Variants in SGSM3 observed in about 807,000 individuals in gnomAD.
SGSM3 encodes the protein RUN and SH3 containing 3.
SGSM3 carries 96 observed loss-of-function variants against 100.5 expected under a neutral mutation model. The observed-to-expected ratio is 0.96, with a 90% confidence interval of 0.81 to 1.13. The LOEUF is 1.13. Among genes scored for constraint, SGSM3 ranks in the 50% most tolerant of loss-of-function variants. The pLI is 0.00. For synonymous variants in SGSM3, 483 were observed against 422.8 expected, an observed-to-expected ratio of 1.14 and a Z score of -1.75; for missense variants, 1,001 against 1,015.8, an observed-to-expected ratio of 0.99 and a Z score of 0.20.
chr22:40,404,451 C>T lies in SGSM3; in HGVS notation c.362C>T (p.Pro121Leu). The change falls in exon 5 of 22, where the codon CCA becomes CTA. Residue 121 changes from proline (P) to leucine (L), a missense_variant. By Grantham distance (98) the Pro-to-Leu change is moderately conservative (BLOSUM62 -3). Transcript: ENST00000248929. ...VLAGIPHGMR[P>L]QLWMRLSGAL... Reference sequence around the variant, plus strand: ...GCCGGCATCCCACATGGCATGAGGCCACAGGTAAGGTGGCCACAGGGACCC... The same window carrying T: ...GCCGGCATCCCACATGGCATGAGGCTACAGGTAAGGTGGCCACAGGGACCC... The T allele has an allele frequency of 6.2e-7, 1 of 1,605,272 alleles. No homozygotes were observed. Among genetic ancestry groups the T allele is most frequent in the Non-Finnish European group, 8.5e-7 (1 of 1,174,994 alleles).
At chr22:40,400,603 A>C (rs1282174747) in intron 1 of SGSM3, 93 bp from the exon 2 acceptor site, 1 of 476,994 alleles carries the variant, frequency 2.1e-6, no homozygotes, top group African/African-American at 2.0e-5. Flanking sequence ...AGATTGCACC[A>C]CTGCACTCCA....
chr22:40,406,717 C>T, intron 10 of SGSM3, 55 bp downstream of exon 10: 1 of 1,451,772 alleles, frequency 6.9e-7, no homozygotes, highest in Non-Finnish European at 9.6e-7. Flanking sequence ...GAGGAGGGGT[C>T]ACCTTGAAGT....
chr22:40,387,076 C>G, intron 1 of SGSM3: 1 of 394,346 alleles, frequency 2.5e-6, no homozygotes. Context: ...AAGTTGATAA[C>G]TAGAGTTGTG....
intron 3 of SGSM3, 145 bp from the exon 4 acceptor site, chr22:40,401,994 G>A: frequency 1.5e-6 from 1 of 653,038 alleles, no homozygotes; most frequent in South Asian, 1.8e-5. Flanking sequence ...GTGGTAACCA[G>A]AGGCGGCTTT....
intron 1 of SGSM3, chr22:40,390,153 G>A (rs573890341): frequency 6.6e-6 from 1 of 152,286 alleles, no homozygotes; most frequent in Admixed American, 6.5e-5. Flanking sequence ...TGAATTAAAT[G>A]TGGGGCACCC....
chr22:40,376,344 A>T (rs1337398278), intron 1 of SGSM3: 1 of 151,902 alleles, frequency 6.6e-6, no homozygotes, highest in Admixed American at 6.6e-5. Flanking sequence ...GTTGGAGTGC[A>T]GTGGCATGAT....
In SGSM3 at chr22:40,405,291, ACAGCCCCAGAAAGGGCAGTGG is replaced by A; in HGVS notation, c.618+17_618+37del. On this transcript the variant is annotated splice_region_variant and intron_variant, in intron 7 of 21. Coordinates refer to ENST00000248929, the MANE Select transcript of SGSM3 (RefSeq NM_015705.6). ...CTGCCAGGGCACCGGCATGGTGAGCACAGCCCCAGAAAGGGCAGTGGCAGCCCCAGGACCCCCTCCAGGACC... is the reference window on the plus strand; with the variant it reads ...CTGCCAGGGCACCGGCATGGTGAGCACAGCCCCAGGACCCCCTCCAGGACC... The A allele has an allele frequency of 2.7e-6, 4 of 1,494,976 alleles. No individual in the cohort carries two copies. The highest frequency in any genetic ancestry group is 3.6e-6 in the Non-Finnish European group (4 of 1,121,596). 92.6% of individuals were successfully genotyped at this position (1,494,976 alleles called of 1,614,324 possible).
intron 1 of SGSM3, among the ~76,000 whole-genome samples, chr22:40,377,178 A>G (rs1009313073): frequency 1.3e-5 from 2 of 152,234 alleles, no homozygotes; most frequent in East Asian, 3.8e-4. Flanking sequence ...TTTGCTTTGG[A>G]GAACAGTTCA....
chr22:40,406,258 G>C, intron 9 of SGSM3, 35 bp downstream of exon 9: 1 of 1,611,250 alleles, frequency 6.2e-7, no homozygotes, highest in South Asian at 1.1e-5. Flanking sequence ...TGAGGAGTAG[G>C]CACCCGAGAT....
intron 7 of SGSM3, 44 bp downstream of exon 7, chr22:40,405,328 C>G: frequency 2.1e-6 from 3 of 1,437,464 alleles, no homozygotes; most frequent in Admixed American, 5.3e-5. Context: ...CCAGGACCCC[C>G]TCCAGGACCC....
rs780890024 is a variant in SGSM3, at chr22:40,400,832, CT to C, written c.7+21del. The C allele has an allele frequency of 3.3e-6, 5 of 1,529,616 alleles. No homozygotes were observed. The African/African-American group carries it at 7.0e-5, about 21-fold the overall frequency. 94.8% of individuals were successfully genotyped at this position (1,529,616 alleles called of 1,614,324 possible). Reference sequence around the variant, plus strand: ...ATGTCAGGTAGAGGCAGGGGCTGGACTTGGAAACGGGGTTTGAAGCTCTCAC... The same window carrying C: ...ATGTCAGGTAGAGGCAGGGGCTGGACTGGAAACGGGGTTTGAAGCTCTCAC... On this transcript the variant is annotated intron_variant, in intron 2 of 21. Transcript: ENST00000248929.
intron 20 of SGSM3, 31 bp downstream of exon 20, chr22:40,409,403 G>A: frequency 6.3e-7 from 1 of 1,578,534 alleles, no homozygotes. Context: ...GGGGGATGGA[G>A]GTGGGGTGGG....
intron 4 of SGSM3, among the ~76,000 whole-genome samples, chr22:40,403,326 C>T (rs544685646): frequency 6.6e-6 from 1 of 152,262 alleles, no homozygotes; most frequent in South Asian, 2.1e-4. Context: ...GCTGGGCTGC[C>T]ACAGGAGAGC....
chr22:40,408,763 C>A (rs754020713), intron 17 of SGSM3, 31 bp from the exon 18 acceptor site: 1 of 1,613,814 alleles, frequency 6.2e-7, no homozygotes, highest in South Asian at 1.1e-5. Flanking sequence ...GACCCAGCCC[C>A]GGCACCCCAG....
intron 1 of SGSM3, among the ~76,000 whole-genome samples, chr22:40,394,236 G>A (rs776198652): frequency 2.6e-5 from 4 of 152,058 alleles, no homozygotes; most frequent in Non-Finnish European, 5.9e-5. Flanking sequence ...GAGTCTGATC[G>A]GCCTCCCAGT....
chr22:40,395,746 G>A (rs1295193201), intron 1 of SGSM3, among the ~76,000 whole-genome samples: 1 of 152,270 alleles, frequency 6.6e-6, no homozygotes, highest in African/African-American at 2.4e-5. Flanking sequence ...CCTAGGCCTT[G>A]CCTGTGGCCA....
At chr22:40,386,384 C>T (rs997812369) in intron 1 of SGSM3, among the ~76,000 whole-genome samples, 1 of 151,996 alleles carries the variant, frequency 6.6e-6, no homozygotes, top group African/African-American at 2.4e-5. Context: ...AACCTCGTGA[C>T]GTATCTTCTG....
At position 40,404,619 on chromosome 22, in the gene SGSM3, G is replaced by A. The variant is rs150752320; in HGVS notation, c.429G>A (p.Glu143=). Residue 143 remains glutamate, a synonymous_variant, in exon 6 of 22, where the codon GAG becomes GAA. Transcript: ENST00000248929. ...GGAACTCTGAGCTGTCCTACCGCGAGATTGTGAAGAACAGCTCCAACGATG... is the reference window on the plus strand; with the variant it reads ...GGAACTCTGAGCTGTCCTACCGCGAAATTGTGAAGAACAGCTCCAACGATG... The part of the protein sequence containing the change: ...KKRNSELSYR[E]IVKNSSNDET... The A allele has an allele frequency of 6.2e-7, 1 of 1,613,706 alleles. No homozygotes were observed. Among genetic ancestry groups the A allele is most frequent in the Non-Finnish European group, 8.5e-7 (1 of 1,179,864 alleles).
At chr22:40,396,394 C>G (rs1349014947) in intron 1 of SGSM3, among the ~76,000 whole-genome samples, 2 of 151,994 alleles carry the variant, frequency 1.3e-5, no homozygotes, top group Non-Finnish European at 2.9e-5. Flanking sequence ...AAGTTTGAGA[C>G]CAGCCTGGCC....
Sources: allele counts gnomAD v4.1 joint callset (sites outside exome capture counted in the v4.1 genomes callset), GRCh38; gene constraint gnomAD v4.1.1; transcripts MANE v1.5; gene names NCBI Gene and HGNC (gene_info 2026-07-23, HGNC 2026-07-21).